The following KRABD2 variants were observed in gnomAD, a reference collection of about 807,000 sequenced individuals.
KRABD2 encodes KRAB domain-containing protein 2.
chr17:8,366,968 G>A, the KRABD2 span, among the ~76,000 whole-genome samples: 4 of 151,556 alleles, frequency 2.6e-5, no homozygotes, highest in East Asian at 3.9e-4. Flanking sequence ...GTGATCGGCC[G>A]CCTAAGCCTC....
chr17:8,363,847 ATATATATATATATATT>A, the KRABD2 span, among the ~76,000 whole-genome samples: 139 of 88,092 alleles, frequency 1.6e-3, 3 homozygotes, highest in African/African-American at 4.9e-3. Context: ...ATATATATAT[ATATATATATATATATT>A]TATTTATTTA....
At chr17:8,369,905 T>G in the KRABD2 span, 7 of 1,614,080 alleles carry the variant, frequency 4.3e-6, no homozygotes, top group Non-Finnish European at 5.1e-6. Context: ...GGTGGCACTG[T>G]TTACACAGAG....
At chr17:8,366,967 C>T in the KRABD2 span, among the ~76,000 whole-genome samples, 5 of 151,734 alleles carry the variant, frequency 3.3e-5, no homozygotes, top group South Asian at 2.1e-4. Context: ...AGTGATCGGC[C>T]GCCTAAGCCT....
the KRABD2 span, among the ~76,000 whole-genome samples, chr17:8,363,877 ATTTATTTT>A: frequency 0.27 from 31,866 of 118,246 alleles, 4,695 homozygotes; most frequent in Admixed American, 0.42. Context: ...TTATTTATTT[ATTTATTTT>A]TTAGACAGAT....
the KRABD2 span, chr17:8,376,492 C>T: frequency 2.0e-6 from 2 of 1,004,870 alleles, no homozygotes; most frequent in Non-Finnish European, 2.4e-6. Flanking sequence ...GGGATGTCGC[C>T]TCCTTTGTGT....
chr17:8,359,331 G>T, the KRABD2 span, among the ~76,000 whole-genome samples: 1 of 152,152 alleles, frequency 6.6e-6, no homozygotes, highest in Non-Finnish European at 1.5e-5. Flanking sequence ...ATTTCTCCCT[G>T]CAAGAAGTCC....
chr17:8,374,488 G>A, the KRABD2 span, among the ~76,000 whole-genome samples: 1 of 151,918 alleles, frequency 6.6e-6, no homozygotes, highest in Non-Finnish European at 1.5e-5. Context: ...CAAACACTGC[G>A]GAAGGCCGCA....
the KRABD2 span, among the ~76,000 whole-genome samples, chr17:8,366,675 T>TAAG: frequency 1.1e-4 from 17 of 152,138 alleles, no homozygotes; most frequent in Non-Finnish European, 2.1e-4. Context: ...GGCCAGTCTC[T>TAAG]AGGGCATCTT....
At chr17:8,361,258 G>T in the KRABD2 span, among the ~76,000 whole-genome samples, 1 of 152,188 alleles carries the variant, frequency 6.6e-6, no homozygotes, top group Non-Finnish European at 1.5e-5. Flanking sequence ...GGTTCTAGAA[G>T]AGGTAGGAAG....
the KRABD2 span, chr17:8,369,668 A>G: frequency 6.2e-7 from 1 of 1,614,230 alleles, no homozygotes; most frequent in South Asian, 1.1e-5. Context: ...GTGTACCAAG[A>G]ATTGTGAAAA....
the KRABD2 span, chr17:8,359,754 G>C: frequency 6.6e-6 from 3 of 455,902 alleles, no homozygotes; most frequent in African/African-American, 2.0e-5. Flanking sequence ...GAAAGGCAGG[G>C]TTTCAGGACT....
chr17:8,368,636 A>AT, the KRABD2 span: 17,859 of 140,242 alleles, frequency 0.13, 1,313 homozygotes, highest in African/African-American at 0.19. Context: ...TGTGGTGGTA[A>AT]TTTTTTTTTT....
chr17:8,376,379 T>C, the KRABD2 span: 1 of 1,176,444 alleles, frequency 8.5e-7, no homozygotes, highest in Non-Finnish European at 1.0e-6. Flanking sequence ...TCACAATCGA[T>C]TGCTATGAAG....
the KRABD2 span, among the ~76,000 whole-genome samples, chr17:8,361,122 G>A: frequency 6.6e-6 from 1 of 152,054 alleles, no homozygotes; most frequent in Non-Finnish European, 1.5e-5. Flanking sequence ...CACAATATAA[G>A]GCCAAAGCTA....
the KRABD2 span, chr17:8,376,079 A>G: frequency 8.1e-7 from 1 of 1,231,698 alleles, no homozygotes; most frequent in African/African-American, 1.6e-5. Context: ...TTGCATCTTT[A>G]GTCGACCAGT....
the KRABD2 span, chr17:8,371,157 G>A: frequency 4.0e-5 from 25 of 628,282 alleles, no homozygotes; most frequent in African/African-American, 2.8e-4. Context: ...GCGACAAAGC[G>A]AGACTGTTTC....
At chr17:8,374,552 C>T in the KRABD2 span, among the ~76,000 whole-genome samples, 1 of 150,434 alleles carries the variant, frequency 6.6e-6, no homozygotes, top group Non-Finnish European at 1.5e-5. Context: ...TATCTGCTGA[C>T]CTTCCCTCCA....
At chr17:8,371,920 AG>A in the KRABD2 span, 1 of 992,908 alleles carries the variant, frequency 1.0e-6, no homozygotes, top group Non-Finnish European at 1.2e-6. Context: ...CTTGATACTC[AG>A]TTGTCTAAAC....
chr17:8,371,644 T>G, the KRABD2 span: 1 of 1,419,026 alleles, frequency 7.0e-7, no homozygotes. Flanking sequence ...GAAAGGAGTT[T>G]TGCTTTCCTG....
Sources: gnomAD v4.1 joint callset for allele counts (sites outside exome capture counted in the v4.1 genomes callset) on GRCh38, gnomAD v4.1.1 for gene constraint, MANE v1.5 for transcripts, NCBI Gene and HGNC (gene_info 2026-07-23, HGNC 2026-07-21) for gene names.